The following PACS1 variants were observed in gnomAD, a reference collection of about 807,000 sequenced individuals.
PACS1 encodes phosphofurin acidic cluster sorting protein 1.
In PACS1, 24 loss-of-function variants were observed where a neutral mutation model predicts 115.0. The observed-to-expected ratio is 0.21, with a 90% CI of 0.15 to 0.29. The LOEUF (loss-of-function observed/expected upper bound fraction) is 0.29. Ranked by LOEUF, PACS1 falls within the 10% of genes least tolerant of loss-of-function variation. The probability of loss-of-function intolerance (pLI) is 1.00; values close to 1 mark genes in which losing one functional copy is unlikely to be tolerated. For synonymous variants in PACS1, 453 were observed against 504.5 expected (o/e 0.90, Z 1.37); for missense variants, 838 against 1,251.2 (o/e 0.67, Z 4.98).
chr11:66,179,194 T>G (rs970597046), intron 1 of PACS1, among the ~76,000 whole-genome samples: 20 of 152,244 alleles, frequency 1.3e-4, no homozygotes. Context: ...CTTAACCATC[T>G]TTTTATATTT....
chr11:66,240,777 TTAATCTTGTTTTTTA>T (rs978119403), intron 21 of PACS1, among the ~76,000 whole-genome samples: 9 of 137,770 alleles, frequency 6.5e-5, no homozygotes, highest in African/African-American at 3.0e-4. Flanking sequence ...CCCTTCCAAG[TTAATCTTGTTTTTTA>T]ATGGAACCTC....
intron 2 of PACS1, among the ~76,000 whole-genome samples, chr11:66,197,902 A>G (rs1234066471): frequency 6.6e-6 from 1 of 152,234 alleles, no homozygotes; most frequent in Admixed American, 6.5e-5. Context: ...GATTTTTTTC[A>G]TATACTCAAC....
intron 23 of PACS1, 23 bp from the exon 24 acceptor site, chr11:66,243,142 C>T: frequency 1.2e-6 from 2 of 1,611,796 alleles, no homozygotes; most frequent in South Asian, 1.1e-5. Flanking sequence ...GTCTGGTCAC[C>T]CCTCCTCTCC....
rs1316807632 is a variant in PACS1, at chr11:66,235,502, A to G, written c.2207+99A>G. On this transcript the variant is annotated intron_variant, in intron 18 of 23. Transcript: ENST00000320580. This position sits in a 1 kb window ranked among gnomAD's most constrained non-coding sequence, Gnocchi z 5.6. ...CTCACATTTTCCTTCTCCACATGCT[A>G]TATTCCTTCATAGGAACCCAAAAGG... The G allele has an allele frequency of 2.3e-6, 2 of 854,832 alleles. No individual in the cohort carries two copies. Among genetic ancestry groups the G allele is most frequent in the South Asian group, 1.6e-5 (1 of 63,198 alleles). The allele number at this position is 854,832 out of a possible 1,614,324, so 53.0% of individuals were successfully genotyped here.
chr11:66,233,856 C>T lies in PACS1; in HGVS notation c.1910C>T (p.Ser637Phe), dbSNP rs912510021. Residue 637 changes from serine to phenylalanine, a missense_variant, in exon 16 of 24, where the codon TCC becomes TTC. Transcript: ENST00000320580. The surrounding 1 kb of genome is among the most constrained non-coding windows in gnomAD (Gnocchi z 4.5). ...AAVGGQSYLS[S>F]ILRFFVKSLA... ...GTGGGAGGCCAGAGCTACCTGAGCT[C>T]CATCCTCAGGTTCTTTGTCAAGTCC... The T allele has an allele frequency of 1.9e-5, 31 of 1,611,068 alleles. No individual in the cohort carries two copies. The highest frequency in any genetic ancestry group is 5.3e-5 in the African/African-American group (4 of 74,820).
rs560737210 is a variant in PACS1, at chr11:66,224,707, T to C, written c.1294-2797T>C. Among the ~76,000 whole-genome samples the C allele has an allele frequency of 5.9e-5, 9 of 152,318 alleles. No individual in the cohort carries two copies. In the East Asian group the frequency reaches 1.7e-3, roughly 29 times the overall value. Reference sequence around the variant, plus strand: ...ATGTCTGGATGTGGGTGTGAAACTTTGGAATCCTTTGGTATGAAAGGCGCT... The same window carrying C: ...ATGTCTGGATGTGGGTGTGAAACTTCGGAATCCTTTGGTATGAAAGGCGCT... On this transcript the variant is annotated intron_variant, in intron 10 of 23. Transcript: ENST00000320580.
chr11:66,155,601 G>A (rs1325749117), intron 1 of PACS1, among the ~76,000 whole-genome samples: 1 of 152,138 alleles, frequency 6.6e-6, no homozygotes, highest in African/African-American at 2.4e-5. Context: ...TCCAGGTGTT[G>A]GCAAGGATGT....
intron 1 of PACS1, among the ~76,000 whole-genome samples, chr11:66,109,791 G>A (rs973801649): frequency 4.6e-5 from 7 of 152,032 alleles, no homozygotes; most frequent in South Asian, 2.1e-4. Context: ...TCATCTCCTC[G>A]CTTTCTACAA....
At chr11:66,143,788 C>T (rs1859057451) in intron 1 of PACS1, among the ~76,000 whole-genome samples, 1 of 152,112 alleles carries the variant, frequency 6.6e-6, no homozygotes. Context: ...TACAGGCTCA[C>T]ACCACCATGC....
intron 1 of PACS1, among the ~76,000 whole-genome samples, chr11:66,153,154 A>G (rs904031002): frequency 9.9e-5 from 15 of 151,848 alleles, no homozygotes; most frequent in South Asian, 2.1e-4. Context: ...GGGTCTCACT[A>G]TGTTGCCCAG....
In PACS1 at chr11:66,227,582, C is replaced by G. The variant is rs778199388; in HGVS notation, c.1372C>G (p.Leu458Val). ...TGACAGCTTGACTGAAACAGACACT[C>G]TGGTATGTATGGGTCAGTTTCCTGT... is the stretch of plus-strand genomic sequence containing the variant. ...QDDSLTETDT[L>V]EITDQDMFGD... is the part of the protein sequence containing the mutation. The change falls in exon 11 of 24, where the codon CTG (leucine) becomes GTG (valine). Residue 458 changes from leucine (L) to valine (V), a missense_variant and splice_region_variant. Leu to Val is a conservative substitution (Grantham distance 32, BLOSUM62 1). This residue lies in a region of PACS1 where 383 missense variants were observed against 537.0 expected (regional missense o/e 0.71). Coordinates refer to ENST00000320580, the MANE Select transcript of PACS1 (RefSeq NM_018026.4). The G allele has an allele frequency of 5.0e-6, 8 of 1,601,746 alleles. No homozygotes were observed. Among genetic ancestry groups the G allele is most frequent in the Middle Eastern group, 1.7e-4 (1 of 6,026 alleles).
At position 66,161,927 on chromosome 11, in the gene PACS1, T is replaced by C. The variant is rs572083922; in HGVS notation, c.357-31559T>C. Among the ~76,000 whole-genome samples the C allele has an allele frequency of 3.2e-4, 49 of 152,228 alleles. 2 individuals carry two copies. The highest frequency in any genetic ancestry group is 1.1e-3 in the African/African-American group (47 of 41,522). On this transcript the variant is annotated intron_variant, in intron 1 of 23. Coordinates refer to ENST00000320580, the MANE Select transcript of PACS1 (RefSeq NM_018026.4). ...ATTGCCATGAGAGGCAAACACACAT[T>C]ATTTTAGGAGCCCAACCTGATGGAT...
At chr11:66,114,823 A>G (rs2134550967) in intron 1 of PACS1, among the ~76,000 whole-genome samples, 1 of 152,304 alleles carries the variant, frequency 6.6e-6, no homozygotes, top group Admixed American at 6.5e-5. Context: ...AGGTATGATT[A>G]TAAACCAAAA....
At chr11:66,211,348 AT>A in intron 4 of PACS1, 89 bp downstream of exon 4, 1 of 1,412,970 alleles carries the variant, frequency 7.1e-7, no homozygotes, top group East Asian at 2.4e-5. Flanking sequence ...CTTCCAGATG[AT>A]TTTCCCAGCC....
intron 1 of PACS1, among the ~76,000 whole-genome samples, chr11:66,141,511 G>A (rs539650298): frequency 1.4e-4 from 21 of 152,068 alleles, no homozygotes; most frequent in Admixed American, 2.6e-4. Context: ...AAAATTAGGC[G>A]GGCATGGTGG....
intron 13 of PACS1, chr11:66,231,937 G>T (rs1049882415): frequency 9.1e-6 from 4 of 437,512 alleles, no homozygotes; most frequent in African/African-American, 8.0e-5. Flanking sequence ...CAGGACAACC[G>T]CTGTGGCTTT....
chr11:66,099,619 C>T (rs1051084602), intron 1 of PACS1, among the ~76,000 whole-genome samples: 5 of 151,948 alleles, frequency 3.3e-5, no homozygotes, highest in African/African-American at 1.2e-4. Context: ...GATATCAGCT[C>T]ACTGCAACCT....
intron 22 of PACS1, 61 bp downstream of exon 22, chr11:66,241,714 G>C (rs1052943468): frequency 7.4e-7 from 1 of 1,348,146 alleles, no homozygotes; most frequent in African/African-American, 1.4e-5. Context: ...TCGTCTCTCA[G>C]GGCCTGGGAA....
intron 1 of PACS1, among the ~76,000 whole-genome samples, chr11:66,189,146 T>A (rs1854459336): frequency 6.6e-6 from 1 of 152,240 alleles, no homozygotes; most frequent in Non-Finnish European, 1.5e-5. Context: ...GAATGAGGGA[T>A]AAACATTTTC....
Sources: gnomAD v4.1 joint callset for allele counts (sites outside exome capture counted in the v4.1 genomes callset) on GRCh38, gnomAD v4.1.1 for gene constraint, gnomAD v4.1.1 regional missense constraint, Gnocchi (gnomAD v3.1) non-coding constraint, MANE v1.5 for transcripts, NCBI Gene and HGNC (gene_info 2026-07-23, HGNC 2026-07-21) for gene names.